Variants in NPAT observed in about 807,000 individuals in gnomAD.
NPAT encodes nuclear protein, coactivator of histone transcription.
In NPAT, 52 loss-of-function variants were observed where a neutral mutation model predicts 130.7. That is an observed-to-expected ratio of 0.40 (90% CI 0.32 to 0.50). The LOEUF is 0.50. Ranked by LOEUF, NPAT falls within the 20% of genes least tolerant of loss-of-function variation. NPAT has a pLI of 0.68. For missense variants in NPAT, 1,687 were observed against 1,662.6 expected, an observed-to-expected ratio of 1.01 and a Z score of -0.26; for synonymous variants, 580 against 584.8, an observed-to-expected ratio of 0.99 and a Z score of 0.12.
intron 1 of NPAT, among the ~76,000 whole-genome samples, chr11:108,199,343 G>A (rs578053834): frequency 6.6e-6 from 1 of 152,328 alleles, no homozygotes; most frequent in South Asian, 2.1e-4. Flanking sequence ...CATGGAATCC[G>A]GGCCAGAAGC....
rs1476744886 is a variant in NPAT, at chr11:108,161,356, T to C, written c.3730A>G (p.Thr1244Ala). The C allele has an allele frequency of 2.5e-6, 4 of 1,614,230 alleles. No individual in the cohort carries two copies. The highest frequency in any genetic ancestry group is 1.6e-4 in the Middle Eastern group (1 of 6,062). Reference protein sequence around the residue: ...QTKSASSLITTEMLQDIQRHS... With the variant: ...QTKSASSLITAEMLQDIQRHS... The stretch of plus-strand genomic sequence containing the variant: ...CTCTGTATATCCTGTAACATTTCTG[T>C]GGTAATCAAAGAACTGGCGGATTTA... Residue 1244 changes from threonine to alanine, a missense_variant, in exon 17 of 18, where the codon ACA (threonine) becomes GCA (alanine). This residue lies in a region of NPAT where 1,379 missense variants were observed against 1,346.6 expected (regional missense o/e 1.02). Transcript: ENST00000278612.
intron 1 of NPAT, among the ~76,000 whole-genome samples, chr11:108,204,580 C>T (rs946524371): frequency 2.0e-5 from 3 of 152,100 alleles, no homozygotes; most frequent in East Asian, 1.9e-4. Flanking sequence ...CAGAACCTGC[C>T]GGTGGGAAAG....
chr11:108,221,616 C>T (rs1440677858), intron 1 of NPAT, among the ~76,000 whole-genome samples: 1 of 152,206 alleles, frequency 6.6e-6, no homozygotes, highest in Non-Finnish European at 1.5e-5. Flanking sequence ...GTAGTAATGG[C>T]TGTGAATACT....
intron 12 of NPAT, among the ~76,000 whole-genome samples, 166 bp from the exon 13 acceptor site, chr11:108,174,017 T>C (rs559817387): frequency 4.9e-4 from 74 of 152,344 alleles, no homozygotes; most frequent in Non-Finnish European, 7.5e-4. Flanking sequence ...TCAAAAAATT[T>C]ACAGGTACTT....
intron 2 of NPAT, 138 bp downstream of exon 2, chr11:108,197,164 T>C: frequency 1.5e-6 from 1 of 688,230 alleles, no homozygotes; most frequent in Non-Finnish European, 2.7e-6. Flanking sequence ...CTTCTTTGGG[T>C]CTTACCAGTC....
At position 108,160,954 on chromosome 11, in the gene NPAT, G is replaced by A. The variant is rs375507389; in HGVS notation, c.4132C>T (p.Arg1378Cys). Residue 1378 changes from arginine to cysteine, a missense_variant, in exon 17 of 18, where the codon CGT becomes TGT. Coordinates refer to ENST00000278612, the MANE Select transcript of NPAT (RefSeq NM_002519.3). ...CTAGAAGGACGAGAGTTTCGCTCACGTTCATCTAATTCCTCAATTTTCCGC... is the reference window on the plus strand; with the variant it reads ...CTAGAAGGACGAGAGTTTCGCTCACATTCATCTAATTCCTCAATTTTCCGC... Reference protein sequence around the residue: ...KKRKIEELDERERNSRPSSKN... With the variant: ...KKRKIEELDECERNSRPSSKN... The A allele has an allele frequency of 5.0e-6, 8 of 1,613,942 alleles. No homozygotes were observed. The highest frequency in any genetic ancestry group is 5.1e-6 in the Non-Finnish European group (6 of 1,179,984).
intron 6 of NPAT, among the ~76,000 whole-genome samples, chr11:108,188,669 T>A (rs1367769299): frequency 6.6e-6 from 1 of 152,150 alleles, no homozygotes; most frequent in Non-Finnish European, 1.5e-5. Flanking sequence ...TACCACACAC[T>A]CTCTAAGGAT....
intron 1 of NPAT, among the ~76,000 whole-genome samples, chr11:108,216,532 C>G (rs2078437247): frequency 6.6e-6 from 1 of 151,012 alleles, no homozygotes; most frequent in Non-Finnish European, 1.5e-5. Flanking sequence ...AAAAAAAAGC[C>G]TAAGAAGATT....
intron 7 of NPAT, among the ~76,000 whole-genome samples, chr11:108,187,593 G>T (rs536538219): frequency 1.5e-4 from 22 of 151,676 alleles, no homozygotes; most frequent in Non-Finnish European, 2.9e-4. Flanking sequence ...CCAGGGCTTG[G>T]GAGCTAAGAA....
intron 12 of NPAT, among the ~76,000 whole-genome samples, chr11:108,175,744 G>C (rs2077999539): frequency 6.6e-6 from 1 of 152,162 alleles, no homozygotes. Context: ...GGTGGGAGCA[G>C]GTGATAACAT....
chr11:108,159,682 C>T (rs1168400429), intron 17 of NPAT, among the ~76,000 whole-genome samples: 1 of 152,080 alleles, frequency 6.6e-6, no homozygotes, highest in Non-Finnish European at 1.5e-5. Flanking sequence ...CAATGCTATC[C>T]CTGCACTGCC....
intron 2 of NPAT, 73 bp downstream of exon 2, chr11:108,197,229 A>T: frequency 9.2e-7 from 1 of 1,084,912 alleles, no homozygotes; most frequent in Admixed American, 1.7e-5. Flanking sequence ...TTTTTCTGAT[A>T]AGCTGATTTT....
intron 5 of NPAT, among the ~76,000 whole-genome samples, chr11:108,189,900 C>G (rs939058930): frequency 6.6e-6 from 1 of 150,620 alleles, no homozygotes; most frequent in African/African-American, 2.4e-5. Flanking sequence ...AACAAGAAAC[C>G]TGAACTTATG....
At chr11:108,201,049 A>G (rs2078271454) in intron 1 of NPAT, among the ~76,000 whole-genome samples, 1 of 152,224 alleles carries the variant, frequency 6.6e-6, no homozygotes, top group Admixed American at 6.5e-5. Flanking sequence ...TACAATATGT[A>G]GATGACATTC....
chr11:108,172,732 GAAAC>G lies in NPAT; in HGVS notation c.2248_2251del (p.Val750ProfsTer21), dbSNP rs1332941781. On this transcript the variant is annotated frameshift_variant, in exon 13 of 18. Transcript: ENST00000278612. LOFTEE classifies it high-confidence loss of function. ...AGCACTGGTAAGTTCAGTATCTGAG[GAAAC>G]AAATGGATCATCACTAATGATAACT... 1 of 1,613,484 alleles carries G rather than the reference GAAAC, an allele frequency of 6.2e-7. No homozygotes were observed. The highest frequency in any genetic ancestry group is 8.5e-7 in the Non-Finnish European group (1 of 1,180,004).
In NPAT at chr11:108,185,393, T is replaced by C. The variant is rs775024616; in HGVS notation, c.818+10A>G. 8.2e-6 allele frequency: 13 copies of C among 1,582,152 alleles called. No homozygotes were observed. Among genetic ancestry groups the C allele is most frequent in the Non-Finnish European group, 6.9e-6 (8 of 1,152,630 alleles). On this transcript the variant is annotated intron_variant, in intron 9 of 17. Transcript: ENST00000278612. The stretch of plus-strand genomic sequence containing the variant: ...AAAACAATTAGGCATTTTAAACATA[T>C]ATAGCTTACCTAGTTAAAAATTTAT...
intron 1 of NPAT, among the ~76,000 whole-genome samples, chr11:108,214,789 T>C (rs150269358): frequency 0.013 from 1,962 of 152,196 alleles, 53 homozygotes; most frequent in African/African-American, 0.044. Flanking sequence ...CCTGCCACCA[T>C]GCCTGGCTAA....
At chr11:108,198,036 C>T (rs2078240421) in intron 1 of NPAT, among the ~76,000 whole-genome samples, 1 of 152,122 alleles carries the variant, frequency 6.6e-6, no homozygotes, top group African/African-American at 2.4e-5. Flanking sequence ...AAAGCATGCC[C>T]CAAAGCACAC....
chr11:108,181,071 G>A (rs1239214424), intron 10 of NPAT, among the ~76,000 whole-genome samples: 1 of 152,182 alleles, frequency 6.6e-6, no homozygotes, highest in Admixed American at 6.5e-5. Context: ...GAGCTTTACA[G>A]ATCAAATTGT....
Sources: allele counts gnomAD v4.1 joint callset (sites outside exome capture counted in the v4.1 genomes callset), GRCh38; gene constraint gnomAD v4.1.1; regional missense constraint gnomAD v4.1.1; transcripts MANE v1.5; gene names NCBI Gene and HGNC (gene_info 2026-07-23, HGNC 2026-07-21).